The following KAT14 variants were observed in gnomAD, a reference collection of about 807,000 sequenced individuals.
KAT14 encodes cysteine-rich protein 2-binding protein.
Under a neutral mutation model 78.4 loss-of-function variants are expected in KAT14, and 66 were observed. The observed-to-expected ratio is 0.84, with a 90% CI of 0.69 to 1.03. The LOEUF (loss-of-function observed/expected upper bound fraction) is 1.03. Among genes scored for constraint, KAT14 ranks in the 50% least tolerant of loss-of-function variants. KAT14 has a pLI of 0.00. For synonymous variants in KAT14, 344 were observed against 359.4 expected, an observed-to-expected ratio of 0.96 and a Z score of 0.48; for missense variants, 870 against 972.5, an observed-to-expected ratio of 0.89 and a Z score of 1.40.
In KAT14 at chr20:18,187,865, C is replaced by G. The variant is rs1268790386; in HGVS notation, c.*406C>G. 5.0e-6 allele frequency: 1 copy of G among 199,666 alleles called. No individual in the cohort carries two copies. Among genetic ancestry groups the G allele is most frequent in the East Asian group, 1.8e-4 (1 of 5,648 alleles). The allele number at this position is 199,666 out of a possible 1,614,324, so 12.4% of individuals were successfully genotyped here. A position where few individuals can be genotyped will look rare whatever the true frequency, so the allele number is the denominator to read the frequency against. ...TCATGCAGTCCCAAAAGGCACTGTC[C>G]TGGGATGATGAGAGATTATAAGGTG... is the stretch of plus-strand genomic sequence containing the variant. On this transcript the variant is annotated 3_prime_UTR_variant, in exon 11 of 11. Coordinates refer to ENST00000688188, the MANE Select transcript of KAT14 (RefSeq NM_001392073.1).
intron 3 of KAT14, among the ~76,000 whole-genome samples, 156 bp downstream of exon 3, chr20:18,145,507 G>A (rs1410356741): frequency 6.6e-6 from 1 of 152,222 alleles, no homozygotes; most frequent in Non-Finnish European, 1.5e-5. Flanking sequence ...GGAGAAGGGA[G>A]TGAAAAATAC....
At chr20:18,140,239 T>G (rs187775701) in intron 1 of KAT14, among the ~76,000 whole-genome samples, 2 of 151,680 alleles carry the variant, frequency 1.3e-5, no homozygotes, top group East Asian at 3.9e-4. Flanking sequence ...AGACCTGCAG[T>G]TGGGGGAGTG....
In KAT14 at chr20:18,137,988, C is replaced by G; in HGVS notation, c.-517C>G. ...GGAGCTCGAAGGTGGTGCTGGGCCTCTCGGTGCTGCTGACGGCGGCCACAG... is the reference window on the plus strand; with the variant it reads ...GGAGCTCGAAGGTGGTGCTGGGCCTGTCGGTGCTGCTGACGGCGGCCACAG... On this transcript the variant is annotated 5_prime_UTR_variant, in exon 1 of 11. Coordinates refer to ENST00000688188, the MANE Select transcript of KAT14 (RefSeq NM_001392073.1). 2 of 1,506,296 alleles carry G rather than the reference C, an allele frequency of 1.3e-6. No individual in the cohort carries two copies. Among genetic ancestry groups the G allele is most frequent in the Non-Finnish European group, 1.8e-6 (2 of 1,134,256 alleles). 93.3% of individuals were successfully genotyped at this position (1,506,296 alleles called of 1,614,324 possible). A position where few individuals can be genotyped will look rare whatever the true frequency, so the allele number is the denominator to read the frequency against.
Position 18,137,916 on chromosome 20 carries a change from G to C in KAT14, c.-589G>C. Reference sequence around the variant, plus strand: ...CACTCTGCGGCGGCCTCTGCGCCTCGGGCGGGCGGGAGAGAGAGGCCGCGG... The same window carrying C: ...CACTCTGCGGCGGCCTCTGCGCCTCCGGCGGGCGGGAGAGAGAGGCCGCGG... On this transcript the variant is annotated 5_prime_UTR_variant, in exon 1 of 11. Coordinates refer to ENST00000688188, the MANE Select transcript of KAT14 (RefSeq NM_001392073.1). 2.1e-6 allele frequency: 3 copies of C among 1,461,168 alleles called. No individual in the cohort carries two copies. The highest frequency in any genetic ancestry group is 2.6e-5 in the Admixed American group (1 of 39,202). 90.5% of individuals were successfully genotyped at this position (1,461,168 alleles called of 1,614,324 possible).
At position 18,162,294 on chromosome 20, in the gene KAT14, G is replaced by T; in HGVS notation, c.1099+55G>T. On this transcript the variant is annotated intron_variant, in intron 6 of 10. Coordinates refer to ENST00000688188, the MANE Select transcript of KAT14 (RefSeq NM_001392073.1). ...TTTGGGTATGGGCCATGGTATAAAT[G>T]TACAAGTTTTCACCCCGTGGGCTGT... is the stretch of plus-strand genomic sequence containing the variant. The T allele has an allele frequency of 1.9e-6, 3 of 1,609,064 alleles. No homozygotes were observed. In the South Asian group the frequency reaches 3.3e-5, roughly 18 times the overall value.
intron 4 of KAT14, 42 bp downstream of exon 4, chr20:18,150,984 A>G (rs140182044): frequency 3.7e-6 from 6 of 1,605,688 alleles, no homozygotes; most frequent in East Asian, 2.2e-5. Flanking sequence ...AGGAATATGT[A>G]AAGAATGAAG....
Position 18,162,028 on chromosome 20 carries a change from C to T in KAT14, c.888C>T (p.Gly296=), listed in dbSNP as rs144441360. 1 of 1,614,264 alleles carries T rather than the reference C, an allele frequency of 6.2e-7. No individual in the cohort carries two copies. Among genetic ancestry groups the T allele is most frequent in the Non-Finnish European group, 8.5e-7 (1 of 1,180,052 alleles). The change falls in exon 6 of 11, where the codon GGC becomes GGT. Residue 296 remains glycine (G), a synonymous_variant. Transcript: ENST00000688188. ...SSTPVKFISR[G]RRPDVILEKG... ...CCCCTGTAAAATTCATAAGCCGAGG[C>T]CGCAGGCCAGATGTGATTCTGGAAA...
chr20:18,147,589 T>A (rs909750133), intron 3 of KAT14, among the ~76,000 whole-genome samples: 27 of 152,178 alleles, frequency 1.8e-4, no homozygotes, highest in Middle Eastern at 3.4e-3. Flanking sequence ...TAAAAAAAAA[T>A]TTTAAATCTT....
chr20:18,172,095 A>T lies in KAT14; in HGVS notation c.1668+9150A>T, dbSNP rs578125633. Among the ~76,000 whole-genome samples, 3 of 152,150 alleles carry T rather than the reference A, an allele frequency of 2.0e-5. No homozygotes were observed. In the East Asian group the frequency reaches 5.8e-4, roughly 29 times the overall value. On this transcript the variant is annotated intron_variant, in intron 7 of 10. Transcript: ENST00000688188. Reference sequence around the variant, plus strand: ...CTGTTATTGCACACAACAACAATATAGTGTCAACTTTTTTTTTTTTATTTG... The same window carrying T: ...CTGTTATTGCACACAACAACAATATTGTGTCAACTTTTTTTTTTTTATTTG...
intron 4 of KAT14, among the ~76,000 whole-genome samples, chr20:18,154,237 T>C (rs2038144669): frequency 6.6e-6 from 1 of 152,218 alleles, no homozygotes; most frequent in Admixed American, 6.5e-5. Flanking sequence ...AGAGCATTTA[T>C]ATTTAAGGTA....
chr20:18,166,839 AG>A (rs1053384665), intron 7 of KAT14, among the ~76,000 whole-genome samples: 27 of 152,242 alleles, frequency 1.8e-4, no homozygotes, highest in African/African-American at 6.3e-4. Flanking sequence ...ACCCTCATTA[AG>A]TGAGGTTGAA....
rs151014707 is a variant in KAT14 at position 18,158,314 on chromosome 20, C to G, written c.501-770C>G. Reference sequence around the variant, plus strand: ...TGAGTTTTCTATTAATATTACGTCTCTGTTCCTCAGAATGGTTTTCCTTTG... The same window carrying G: ...TGAGTTTTCTATTAATATTACGTCTGTGTTCCTCAGAATGGTTTTCCTTTG... On this transcript the variant is annotated intron_variant, in intron 4 of 10. Coordinates refer to ENST00000688188, the MANE Select transcript of KAT14 (RefSeq NM_001392073.1). 9.0e-4 allele frequency among the ~76,000 whole-genome samples: 137 copies of G among 152,348 alleles called. 1 individual carries two copies. Among genetic ancestry groups the G allele is most frequent in the Middle Eastern group, 3.4e-3 (1 of 294 alleles).
chr20:18,139,902 T>C lies in KAT14; in HGVS notation c.-454+1851T>C, dbSNP rs75133101. Reference sequence around the variant, plus strand: ...AATCCTCACAGTAACCTAGCAAAAATTAAGCAGTGCTACATGAGGAGCCAG... The same window carrying C: ...AATCCTCACAGTAACCTAGCAAAAACTAAGCAGTGCTACATGAGGAGCCAG... On this transcript the variant is annotated intron_variant, in intron 1 of 10. Transcript: ENST00000688188. 3.6e-3 allele frequency among the ~76,000 whole-genome samples: 546 copies of C among 152,174 alleles called. 3 individuals are homozygous for C. Among genetic ancestry groups the C allele is most frequent in the African/African-American group, 0.012 (513 of 41,512 alleles).
chr20:18,153,889 G>C (rs1275978220), intron 4 of KAT14, among the ~76,000 whole-genome samples: 1 of 152,190 alleles, frequency 6.6e-6, no homozygotes, highest in Admixed American at 6.5e-5. Context: ...AAACAATGCT[G>C]TTAAATTGTA....
chr20:18,180,298 T>C (rs1438194256), intron 7 of KAT14, among the ~76,000 whole-genome samples: 2 of 152,204 alleles, frequency 1.3e-5, no homozygotes, highest in Non-Finnish European at 2.9e-5. Flanking sequence ...TGCTAAAACA[T>C]AGTAAGAGTC....
intron 7 of KAT14, among the ~76,000 whole-genome samples, chr20:18,181,360 G>GTTTTTTT (rs1245685896): frequency 8.8e-6 from 1 of 114,118 alleles, no homozygotes; most frequent in Non-Finnish European, 1.9e-5. Flanking sequence ...GAGTAATTTT[G>GTTTTTTT]TTTCTTTTTT....
intron 4 of KAT14, among the ~76,000 whole-genome samples, chr20:18,156,998 G>A (rs1018981011): frequency 6.6e-6 from 1 of 152,084 alleles, no homozygotes; most frequent in African/African-American, 2.4e-5. Flanking sequence ...GCCTTGTGGG[G>A]CATATTCTTG....
chr20:18,179,932 G>A (rs6045235), intron 7 of KAT14, among the ~76,000 whole-genome samples: 6,376 of 151,974 alleles, frequency 0.042, 417 homozygotes, highest in African/African-American at 0.14. Flanking sequence ...GCAGTGGTGC[G>A]ATCTTGGCTC....
chr20:18,148,056 ATC>A (rs1357421607), intron 3 of KAT14, among the ~76,000 whole-genome samples: 1 of 152,206 alleles, frequency 6.6e-6, no homozygotes, highest in Non-Finnish European at 1.5e-5. Context: ...GAAAAAGCCC[ATC>A]TCTCACTGAA....
Sources: allele counts gnomAD v4.1 joint callset (sites outside exome capture counted in the v4.1 genomes callset), GRCh38; gene constraint gnomAD v4.1.1; transcripts MANE v1.5; gene names NCBI Gene and HGNC (gene_info 2026-07-23, HGNC 2026-07-21).